HEG1: variants seen among roughly 807,000 people sequenced by gnomAD.
The protein encoded by HEG1 is protein HEG homolog 1.
In HEG1, 56 loss-of-function variants were observed where a neutral mutation model predicts 125.6. The observed-to-expected ratio is 0.45, with a 90% CI of 0.36 to 0.56. The LOEUF is 0.56. Ranked by LOEUF, HEG1 falls within the 20% of genes least tolerant of loss-of-function variation. The pLI, the probability that HEG1 is intolerant of heterozygous loss-of-function variation, is 0.00. For synonymous variants in HEG1, 644 were observed against 668.5 expected (o/e 0.96, Z 0.57); for missense variants, 1,523 against 1,670.0 (o/e 0.91, Z 1.53).
chr3:125,015,507 C>T (rs1937231749), intron 5 of HEG1, among the ~76,000 whole-genome samples: 2 of 152,346 alleles, frequency 1.3e-5, no homozygotes, highest in South Asian at 2.1e-4. Context: ...GGCAAAGAAA[C>T]AGCCTGAGGT....
chr3:124,997,179 T>C (rs989590930), intron 12 of HEG1, among the ~76,000 whole-genome samples: 7 of 152,112 alleles, frequency 4.6e-5, no homozygotes, highest in Admixed American at 2.6e-4. Context: ...AAATATCCAA[T>C]AGAGGATCAC....
At chr3:124,992,855 G>A in intron 12 of HEG1, among the ~76,000 whole-genome samples, 1 of 152,220 alleles carries the variant, frequency 6.6e-6, no homozygotes, top group East Asian at 1.9e-4. Flanking sequence ...CTGTGCACCT[G>A]GACAGCACTG....
chr3:125,042,940 A>G (rs938983687), intron 1 of HEG1, among the ~76,000 whole-genome samples: 1 of 152,210 alleles, frequency 6.6e-6, no homozygotes, highest in African/African-American at 2.4e-5. Flanking sequence ...TTTTGGGTGG[A>G]GGACGTTTAG....
Sources: gnomAD v4.1 joint callset for allele counts (sites outside exome capture counted in the v4.1 genomes callset) on GRCh38, gnomAD v4.1.1 for gene constraint, MANE v1.5 for transcripts, NCBI Gene and HGNC (gene_info 2026-07-23, HGNC 2026-07-21) for gene names.